Variants in SLC67A2 observed in about 807,000 individuals in gnomAD.
SLC67A2 encodes solute carrier family 67 member 2.
chr2:102,724,375 G>T, the SLC67A2 span, among the ~76,000 whole-genome samples: 2 of 152,156 alleles, frequency 1.3e-5, no homozygotes, highest in Non-Finnish European at 2.9e-5. Context: ...AAACGGAGCT[G>T]GGGAGAGGAC....
the SLC67A2 span, among the ~76,000 whole-genome samples, chr2:102,727,223 G>A: frequency 8.5e-4 from 129 of 152,096 alleles, no homozygotes; most frequent in Non-Finnish European, 1.6e-3. Flanking sequence ...TGATGATCTG[G>A]TAGCTAAGAA....
chr2:102,733,029 A>C, the SLC67A2 span, among the ~76,000 whole-genome samples: 1 of 152,208 alleles, frequency 6.6e-6, no homozygotes, highest in African/African-American at 2.4e-5. Context: ...CAAAGGGTAG[A>C]ACAGTAATAC....
At chr2:102,732,830 G>A in the SLC67A2 span, among the ~76,000 whole-genome samples, 1 of 152,138 alleles carries the variant, frequency 6.6e-6, no homozygotes, top group African/African-American at 2.4e-5. Flanking sequence ...TACCTGAGAA[G>A]AAAGGCTCAG....
the SLC67A2 span, among the ~76,000 whole-genome samples, chr2:102,729,987 C>T: frequency 3.3e-5 from 5 of 152,192 alleles, no homozygotes; most frequent in African/African-American, 9.6e-5. Flanking sequence ...ATATGAGACC[C>T]CCAGGCCAGC....
chr2:102,731,102 C>T, the SLC67A2 span: 1 of 1,593,204 alleles, frequency 6.3e-7, no homozygotes, highest in Admixed American at 1.7e-5. Flanking sequence ...ATAAAATCAG[C>T]TAGAGCTATC....
chr2:102,727,277 T>C, the SLC67A2 span, among the ~76,000 whole-genome samples: 1 of 152,312 alleles, frequency 6.6e-6, no homozygotes, highest in East Asian at 1.9e-4. Context: ...GCCTCATTAT[T>C]GTCTCCATTC....
At chr2:102,718,326 C>T in the SLC67A2 span, 3 of 1,455,262 alleles carry the variant, frequency 2.1e-6, no homozygotes, top group Admixed American at 2.0e-5. Flanking sequence ...ATTTCCCTTC[C>T]ACCCCAACCC....
At chr2:102,728,610 T>A in the SLC67A2 span, among the ~76,000 whole-genome samples, 1 of 152,186 alleles carries the variant, frequency 6.6e-6, no homozygotes, top group Admixed American at 6.5e-5. Flanking sequence ...ATTTTAGAAA[T>A]TCCCCATACT....
the SLC67A2 span, chr2:102,716,625 C>G: frequency 1.3e-5 from 2 of 152,108 alleles, no homozygotes; most frequent in African/African-American, 2.4e-5. Flanking sequence ...GATTTTACTC[C>G]ATGACTTCTA....
the SLC67A2 span, among the ~76,000 whole-genome samples, chr2:102,722,414 GCATGTGCATTA>G: frequency 6.6e-6 from 1 of 152,334 alleles, no homozygotes; most frequent in East Asian, 1.9e-4. Flanking sequence ...CAGCTGTGAG[GCATGTGCATTA>G]CCATGATAGA....
At chr2:102,716,481 G>A in the SLC67A2 span, 19 of 152,198 alleles carry the variant, frequency 1.2e-4, no homozygotes, top group East Asian at 1.2e-3. Flanking sequence ...TGGTCTCCTC[G>A]AAAGCACTTA....
At chr2:102,724,144 G>T in the SLC67A2 span, among the ~76,000 whole-genome samples, 1 of 152,066 alleles carries the variant, frequency 6.6e-6, no homozygotes, top group Non-Finnish European at 1.5e-5. Context: ...TCTGATCCTA[G>T]TCAGTCACCT....
the SLC67A2 span, chr2:102,732,371 G>T: frequency 2.5e-6 from 4 of 1,613,528 alleles, no homozygotes; most frequent in South Asian, 3.3e-5. Context: ...TGACATGAAG[G>T]CTCAATAAAG....
chr2:102,731,211 T>C, the SLC67A2 span: 7 of 591,326 alleles, frequency 1.2e-5, no homozygotes, highest in Non-Finnish European at 2.0e-5. Context: ...ATCTTTTTTT[T>C]TTCTACTTGG....
the SLC67A2 span, among the ~76,000 whole-genome samples, chr2:102,735,930 T>C: frequency 1.3e-5 from 2 of 151,822 alleles, no homozygotes; most frequent in African/African-American, 2.4e-5. Flanking sequence ...ATGGGTACAA[T>C]TCACTCTGAT....
chr2:102,718,667 G>A, the SLC67A2 span: 20 of 1,613,848 alleles, frequency 1.2e-5, no homozygotes, highest in African/African-American at 9.3e-5. Flanking sequence ...CGTGATGCAC[G>A]TCCTGCCAAT....
the SLC67A2 span, among the ~76,000 whole-genome samples, chr2:102,729,708 A>C: frequency 2.6e-5 from 4 of 152,336 alleles, no homozygotes; most frequent in Admixed American, 2.6e-4. Context: ...TAGCTTAGTC[A>C]AATTAACCTA....
chr2:102,718,761 A>C, the SLC67A2 span: 1 of 1,613,824 alleles, frequency 6.2e-7, no homozygotes, highest in African/African-American at 1.3e-5. Context: ...AGCAGTGTGC[A>C]GGTGAGTATG....
the SLC67A2 span, among the ~76,000 whole-genome samples, chr2:102,734,784 C>T: frequency 6.6e-6 from 1 of 152,152 alleles, no homozygotes; most frequent in Non-Finnish European, 1.5e-5. Flanking sequence ...ATCAGGCTTG[C>T]TAGATTAGAC....
Sources: gnomAD v4.1 joint callset for allele counts (sites outside exome capture counted in the v4.1 genomes callset) on GRCh38, gnomAD v4.1.1 for gene constraint, MANE v1.5 for transcripts, NCBI Gene and HGNC (gene_info 2026-07-23, HGNC 2026-07-21) for gene names.